The following C6 variants were observed in gnomAD, a reference collection of about 807,000 sequenced individuals.
The protein encoded by C6 is complement component C6.
Under a neutral mutation model 112.9 loss-of-function variants are expected in C6, and 101 were observed. The ratio of observed to expected loss-of-function variants is 0.89; its 90% confidence interval spans 0.76 to 1.06. C6 has a LOEUF of 1.06. Ranked by LOEUF, C6 falls within the 50% of genes least tolerant of loss-of-function variation. The pLI, the probability that C6 is intolerant of heterozygous loss-of-function variation, is 0.00. For missense variants in C6, 1,202 were observed against 1,104.6 expected (o/e 1.09, Z -1.25); for synonymous variants, 431 against 384.1 (o/e 1.12, Z -1.43).
At chr5:41,234,973 C>G (rs924789456) in intron 1 of C6, among the ~76,000 whole-genome samples, 1 of 150,842 alleles carries the variant, frequency 6.6e-6, no homozygotes, top group East Asian at 2.0e-4. Flanking sequence ...TCCTTCTATT[C>G]ACTGTGAAGA....
intron 1 of C6, among the ~76,000 whole-genome samples, chr5:41,222,031 T>C (rs1739202616): frequency 6.6e-6 from 1 of 151,816 alleles, no homozygotes; most frequent in African/African-American, 2.4e-5. Flanking sequence ...CTGGGCATGG[T>C]GGCGGGCACC....
At chr5:41,250,439 A>G (rs533078715) in intron 1 of C6, among the ~76,000 whole-genome samples, 1 of 152,280 alleles carries the variant, frequency 6.6e-6, no homozygotes, top group Admixed American at 6.5e-5. Context: ...ATTTGTACCC[A>G]GTTATATTTT....
chr5:41,215,429 G>T (rs1398695155), upstream of C6, among the ~76,000 whole-genome samples: 1 of 152,150 alleles, frequency 6.6e-6, no homozygotes, highest in African/African-American at 2.4e-5. Context: ...GTGTGCAGTT[G>T]TGCTCAGGTC....
chr5:41,155,772 CA>C (rs537526902), intron 13 of C6, among the ~76,000 whole-genome samples: 38 of 144,264 alleles, frequency 2.6e-4, no homozygotes, highest in East Asian at 1.4e-3. Flanking sequence ...AAACCCAAAA[CA>C]AAAAAAAAAT....
intron 4 of C6, among the ~76,000 whole-genome samples, chr5:41,196,971 C>T (rs1449353422): frequency 6.6e-6 from 1 of 152,010 alleles, no homozygotes; most frequent in Non-Finnish European, 1.5e-5. Context: ...GGCATCTGTA[C>T]CAGTATGTAC....
chr5:41,227,950 A>T (rs985998847), intron 1 of C6, among the ~76,000 whole-genome samples: 1 of 151,994 alleles, frequency 6.6e-6, no homozygotes, highest in Non-Finnish European at 1.5e-5. Flanking sequence ...TTGCTATTTG[A>T]GGCATTTTTG....
chr5:41,148,762 T>C (rs1746089649), intron 17 of C6, among the ~76,000 whole-genome samples: 2 of 152,188 alleles, frequency 1.3e-5, no homozygotes, highest in South Asian at 4.1e-4. Context: ...CCTGCCTGAA[T>C]AGTATTGTCA....
chr5:41,237,006 A>G (rs1048803642), intron 1 of C6, among the ~76,000 whole-genome samples: 3 of 151,246 alleles, frequency 2.0e-5, no homozygotes, highest in African/African-American at 7.3e-5. Flanking sequence ...CGACACATAC[A>G]CTCTCCCAAG....
At chr5:41,208,551 C>G (rs1157474890) in intron 1 of C6, among the ~76,000 whole-genome samples, 3 of 152,106 alleles carry the variant, frequency 2.0e-5, no homozygotes, top group African/African-American at 7.2e-5. Context: ...CACCACCGAT[C>G]CCACAGAAAT....
chr5:41,151,833 G>T (rs1746424080), intron 15 of C6, among the ~76,000 whole-genome samples: 1 of 151,322 alleles, frequency 6.6e-6, no homozygotes. Context: ...ATTGCTGAAG[G>T]CTGCCGAAAG....
chr5:41,148,179 T>C (rs190800406), intron 17 of C6, among the ~76,000 whole-genome samples: 15 of 152,318 alleles, frequency 9.8e-5, no homozygotes, highest in East Asian at 5.8e-4. Flanking sequence ...CTATTTATGA[T>C]AGCAAAATAC....
At chr5:41,247,957 AG>A (rs375937291) in intron 1 of C6, among the ~76,000 whole-genome samples, 6 of 152,302 alleles carry the variant, frequency 3.9e-5, no homozygotes, top group African/African-American at 1.4e-4. Context: ...TAACCAGAAA[AG>A]CATGATACTG....
At chr5:41,256,410 C>G (rs1185036009) in intron 1 of C6, among the ~76,000 whole-genome samples, 2 of 141,136 alleles carry the variant, frequency 1.4e-5, no homozygotes, top group African/African-American at 5.5e-5. Context: ...CACATATACC[C>G]TAAAACTTAA....
rs372345940 is a variant in C6, at chr5:41,181,457, TC to T, written c.828del (p.Ser277AlafsTer43). Reference protein sequence around the residue: ...NQQGSFSSQGGSSFSVPIFYS... With the variant: ...NQQGSFSSQGXSSFSVPIFYS... ...TAAAAAATTGGTACACTGAAAGAGC[TC>T]CCCCCCTGACTTGAGAATGAGCCTT... On this transcript the variant is annotated frameshift_variant, in exon 7 of 18. Coordinates refer to ENST00000337836, the MANE Select transcript of C6 (RefSeq NM_000065.5). LOFTEE classifies it high-confidence loss of function. The T allele has an allele frequency of 5.6e-6, 9 of 1,613,188 alleles. No individual in the cohort carries two copies. The highest frequency in any genetic ancestry group is 1.3e-5 in the African/African-American group (1 of 74,930).
At chr5:41,234,351 T>C (rs1402193974) in intron 1 of C6, among the ~76,000 whole-genome samples, 1 of 137,342 alleles carries the variant, frequency 7.3e-6, no homozygotes, top group Non-Finnish European at 1.5e-5. Context: ...TTTTTTTTTG[T>C]TTTTTGTTTT....
chr5:41,259,783 C>T (rs1483676380), intron 1 of C6, among the ~76,000 whole-genome samples: 3 of 152,128 alleles, frequency 2.0e-5, no homozygotes, highest in Non-Finnish European at 4.4e-5. Context: ...TTCCTAATAT[C>T]TCCCAAATGT....
intron 1 of C6, among the ~76,000 whole-genome samples, chr5:41,247,828 A>G (rs1399673898): frequency 1.3e-5 from 2 of 152,120 alleles, no homozygotes; most frequent in Non-Finnish European, 2.9e-5. Flanking sequence ...AAAGACACAA[A>G]CAAATGTACA....
intron 9 of C6, among the ~76,000 whole-genome samples, chr5:41,163,310 C>CTTTTTTTT (rs35341613): frequency 7.4e-6 from 1 of 134,560 alleles, no homozygotes; most frequent in South Asian, 2.4e-4. Context: ...TATCAATGAA[C>CTTTTTTTT]TTTTTTTTTT....
chr5:41,217,261 A>C (rs1752228081), upstream of C6, among the ~76,000 whole-genome samples: 1 of 152,120 alleles, frequency 6.6e-6, no homozygotes, highest in Non-Finnish European at 1.5e-5. Flanking sequence ...TTCATATGGA[A>C]CTCACTTACT....
Sources: gnomAD v4.1 joint callset for allele counts (sites outside exome capture counted in the v4.1 genomes callset) on GRCh38, gnomAD v4.1.1 for gene constraint, MANE v1.5 for transcripts, NCBI Gene and HGNC (gene_info 2026-07-23, HGNC 2026-07-21) for gene names.